The following STXBP6 variants were observed in gnomAD, a reference collection of about 807,000 sequenced individuals.
The protein encoded by STXBP6 is syntaxin binding protein 6.
STXBP6 carries 21 observed loss-of-function variants against 26.9 expected under a neutral mutation model. The ratio of observed to expected loss-of-function variants is 0.78; its 90% CI spans 0.55 to 1.12. STXBP6 has a LOEUF of 1.12. STXBP6 is among the 50% of genes most tolerant of loss of function. The probability of loss-of-function intolerance (pLI) is 0.00; values close to 1 mark genes in which losing one functional copy is unlikely to be tolerated. For synonymous variants in STXBP6, 97 were observed against 92.6 expected, an observed-to-expected ratio of 1.05 and a Z score of -0.27; for missense variants, 232 against 257.9, an observed-to-expected ratio of 0.90 and a Z score of 0.69.
Position 24,812,389 on chromosome 14 carries a change from ATATTC to A in STXBP6, c.*315_*319del. 4.4e-6 allele frequency: 1 copy of A among 224,880 alleles called. No individual in the cohort carries two copies. 13.9% of individuals were successfully genotyped at this position (224,880 alleles called of 1,614,324 possible). On this transcript the variant is annotated 3_prime_UTR_variant, in exon 6 of 6. Transcript: ENST00000323944. ...CAGTTTATCATTTGGTCCAAATTTC[ATATTC>A]AAACTACAAAAAATATTTTTTAATA...
intron 2 of STXBP6, among the ~76,000 whole-genome samples, chr14:24,899,598 T>A (rs2071126629): frequency 1.3e-5 from 2 of 151,596 alleles, no homozygotes; most frequent in Admixed American, 1.3e-4. Flanking sequence ...CTGGCCAACA[T>A]GACGAAACCC....
At chr14:25,038,670 G>A (rs1415375216) in intron 1 of STXBP6, among the ~76,000 whole-genome samples, 3 of 152,166 alleles carry the variant, frequency 2.0e-5, no homozygotes, top group Admixed American at 2.0e-4. Flanking sequence ...GATGGCAGAG[G>A]GTAGGAGGAG....
chr14:24,871,512 ATCAAGC>A (rs2069935176), intron 2 of STXBP6, among the ~76,000 whole-genome samples: 2 of 152,248 alleles, frequency 1.3e-5, no homozygotes, highest in African/African-American at 4.8e-5. Flanking sequence ...GTCTTGCTTC[ATCAAGC>A]TGTACATTAG....
chr14:25,043,532 A>G (rs1409561364), intron 1 of STXBP6, among the ~76,000 whole-genome samples: 1 of 152,208 alleles, frequency 6.6e-6, no homozygotes, highest in Non-Finnish European at 1.5e-5. Context: ...AAATTGTGCC[A>G]TCATCACCCT....
intron 2 of STXBP6, among the ~76,000 whole-genome samples, chr14:24,926,370 T>C (rs983772129): frequency 2.6e-5 from 4 of 152,126 alleles, no homozygotes; most frequent in Non-Finnish European, 5.9e-5. Flanking sequence ...GCTCGCCATG[T>C]TGCTTGGACT....
At chr14:24,973,538 A>G (rs796649963) in intron 2 of STXBP6, among the ~76,000 whole-genome samples, 4 of 152,002 alleles carry the variant, frequency 2.6e-5, no homozygotes, top group African/African-American at 9.6e-5. Context: ...GGTGAGTGCC[A>G]TCATGCCTGG....
At chr14:24,829,072 G>C (rs562055205) in intron 4 of STXBP6, among the ~76,000 whole-genome samples, 7 of 152,132 alleles carry the variant, frequency 4.6e-5, no homozygotes, top group African/African-American at 1.4e-4. Context: ...TGCCCCCTGT[G>C]CCCCCACTAA....
chr14:24,833,694 G>A (rs2068525412), intron 4 of STXBP6, among the ~76,000 whole-genome samples: 2 of 152,138 alleles, frequency 1.3e-5, no homozygotes, highest in Admixed American at 6.5e-5. Context: ...TTGCAGTTAT[G>A]CAGCATTTTT....
chr14:24,957,398 G>A (rs1016468438), intron 2 of STXBP6, among the ~76,000 whole-genome samples: 5 of 152,160 alleles, frequency 3.3e-5, no homozygotes, highest in African/African-American at 9.7e-5. Flanking sequence ...TTGTCATCAC[G>A]ATCCTAATGT....
chr14:24,871,297 G>A (rs1440099217), intron 2 of STXBP6, among the ~76,000 whole-genome samples: 1 of 152,126 alleles, frequency 6.6e-6, no homozygotes, highest in African/African-American at 2.4e-5. Flanking sequence ...CTTACACACA[G>A]TAAACATCAA....
chr14:24,991,832 G>C (rs2074482413), intron 1 of STXBP6, among the ~76,000 whole-genome samples: 1 of 152,180 alleles, frequency 6.6e-6, no homozygotes, highest in African/African-American at 2.4e-5. Context: ...TCTCACACAG[G>C]AATTCTGACT....
At chr14:24,902,950 G>A (rs751453264) in intron 2 of STXBP6, among the ~76,000 whole-genome samples, 1 of 152,072 alleles carries the variant, frequency 6.6e-6, no homozygotes, top group Non-Finnish European at 1.5e-5. Context: ...ACTATAATGA[G>A]TTATTTAAAA....
intron 2 of STXBP6, among the ~76,000 whole-genome samples, chr14:24,944,602 T>A (rs536679710): frequency 4.6e-5 from 7 of 152,186 alleles, no homozygotes; most frequent in Non-Finnish European, 1.0e-4. Flanking sequence ...GATCTTTTTG[T>A]CCAGTACTCT....
chr14:24,837,926 A>T (rs577738006), intron 4 of STXBP6, among the ~76,000 whole-genome samples: 1 of 152,334 alleles, frequency 6.6e-6, no homozygotes, highest in East Asian at 1.9e-4. Flanking sequence ...ACAACAGCTA[A>T]CAATCTCCTG....
intron 1 of STXBP6, among the ~76,000 whole-genome samples, chr14:25,023,297 A>T (rs2075292310): frequency 6.6e-6 from 1 of 151,688 alleles, no homozygotes; most frequent in Non-Finnish European, 1.5e-5. Context: ...AACACGACTG[A>T]GATATTGTTT....
intron 1 of STXBP6, among the ~76,000 whole-genome samples, chr14:25,030,465 T>C (rs1595348430): frequency 1.3e-5 from 2 of 152,320 alleles, no homozygotes; most frequent in East Asian, 3.9e-4. Flanking sequence ...TATTTGCCAA[T>C]TAATCATGAC....
intron 2 of STXBP6, among the ~76,000 whole-genome samples, chr14:24,903,712 A>G (rs1003712085): frequency 2.0e-5 from 3 of 152,222 alleles, no homozygotes; most frequent in Non-Finnish European, 4.4e-5. Flanking sequence ...ACACAGATGG[A>G]TAAAAAAGAA....
chr14:25,036,214 C>CA (rs559433301), intron 1 of STXBP6, among the ~76,000 whole-genome samples: 808 of 80,648 alleles, frequency 0.01, 18 homozygotes, highest in South Asian at 0.013. Context: ...AAGACTCCAT[C>CA]AAAAAAAAAA....
intron 1 of STXBP6, among the ~76,000 whole-genome samples, chr14:25,031,622 A>C (rs1327993801): frequency 1.3e-5 from 2 of 152,254 alleles, no homozygotes; most frequent in African/African-American, 4.8e-5. Flanking sequence ...TTAGCATGAG[A>C]GTAAACTTTT....
Sources: allele counts gnomAD v4.1 joint callset (sites outside exome capture counted in the v4.1 genomes callset), GRCh38; gene constraint gnomAD v4.1.1; transcripts MANE v1.5; gene names NCBI Gene and HGNC (gene_info 2026-07-23, HGNC 2026-07-21).